Variants in DOCK10 observed in about 807,000 individuals in gnomAD.
DOCK10 encodes dedicator of cytokinesis protein 10.
DOCK10 carries 145 observed loss-of-function variants against 280.1 expected under a neutral mutation model. That is an observed-to-expected ratio of 0.52 (90% confidence interval 0.45 to 0.59). The LOEUF is 0.59. Among genes scored for constraint, DOCK10 ranks in the 20% least tolerant of loss-of-function variants. The pLI is 0.00. For missense variants in DOCK10, 2,368 were observed against 2,651.7 expected, an observed-to-expected ratio of 0.89 and a Z score of 2.35; for synonymous variants, 915 against 942.2, an observed-to-expected ratio of 0.97 and a Z score of 0.53.
At position 224,797,981 on chromosome 2, in the gene DOCK10, A is replaced by G; in HGVS notation, c.4507-12T>C. On this transcript the variant is annotated splice_polypyrimidine_tract_variant and intron_variant, in intron 41 of 55. Transcript: ENST00000258390. ...TGTTGGAGTTGTCTCTGGAAATTCAATGCAGATGTTATTCAGGATAAGTGA... is the reference window on the plus strand; with the variant it reads ...TGTTGGAGTTGTCTCTGGAAATTCAGTGCAGATGTTATTCAGGATAAGTGA... The G allele has an allele frequency of 6.2e-7, 1 of 1,611,614 alleles. No individual in the cohort carries two copies. Among genetic ancestry groups the G allele is most frequent in the Non-Finnish European group, 8.5e-7 (1 of 1,179,034 alleles).
chr2:224,886,157 C>T lies in DOCK10; in HGVS notation c.518G>A (p.Gly173Glu), dbSNP rs201155796. ...EDTTSHSSSK[G>E]GGGAGGTGVF... ...ACCAGTTCCTCCCGCTCCTCCACCC[C>T]CCTTGGAAGACGAGTGGGAAGTGGT... The change falls in exon 6 of 56, where the codon GGG (glycine) becomes GAG (glutamate). Residue 173 changes from glycine (G) to glutamate (E), a missense_variant. By Grantham distance (98) the Gly-to-Glu change is moderately conservative (BLOSUM62 -2). This residue lies in a region of DOCK10 where 1,209 missense variants were observed against 1,250.9 expected (regional missense o/e 0.97). Coordinates refer to ENST00000258390, the MANE Select transcript of DOCK10 (RefSeq NM_014689.3). 58 of 1,613,848 alleles carry T rather than the reference C, an allele frequency of 3.6e-5. No homozygotes were observed. The Middle Eastern group carries it at 1.2e-3, about 32-fold the overall frequency.
intron 1 of DOCK10, among the ~76,000 whole-genome samples, chr2:224,995,591 A>G (rs1164850446): frequency 6.6e-6 from 1 of 152,168 alleles, no homozygotes; most frequent in African/African-American, 2.4e-5. Flanking sequence ...GTCCACAGGG[A>G]CTTGCTTCCA....
chr2:224,962,744 C>A (rs1260881301), intron 1 of DOCK10, among the ~76,000 whole-genome samples: 1 of 152,142 alleles, frequency 6.6e-6, no homozygotes, highest in Non-Finnish European at 1.5e-5. Flanking sequence ...ACATTAACAG[C>A]AAAATCATTT....
intron 1 of DOCK10, among the ~76,000 whole-genome samples, chr2:225,032,200 C>T (rs755814350): frequency 4.6e-5 from 7 of 152,132 alleles, no homozygotes; most frequent in African/African-American, 2.4e-5. Flanking sequence ...GTGTCCAACT[C>T]TCTTGTTTTA....
chr2:224,879,780 A>G (rs986901727), intron 7 of DOCK10, among the ~76,000 whole-genome samples: 5 of 152,148 alleles, frequency 3.3e-5, no homozygotes, highest in Non-Finnish European at 4.4e-5. Context: ...AAAAATTAAA[A>G]AAGAAAGAAA....
intron 1 of DOCK10, chr2:224,946,779 C>A: frequency 2.4e-6 from 3 of 1,249,410 alleles, no homozygotes; most frequent in Non-Finnish European, 3.3e-6. Context: ...CACTGTAGAG[C>A]TAATCATTTT....
intron 3 of DOCK10, among the ~76,000 whole-genome samples, chr2:224,900,561 T>C (rs1053385828): frequency 3.5e-4 from 54 of 152,242 alleles, no homozygotes; most frequent in African/African-American, 1.3e-3. Flanking sequence ...ATTTGGACCA[T>C]CATTCTGGAT....
intron 19 of DOCK10, among the ~76,000 whole-genome samples, chr2:224,847,375 A>G (rs1696434320): frequency 6.6e-6 from 1 of 152,106 alleles, no homozygotes; most frequent in Non-Finnish European, 1.5e-5. Context: ...CAGGACAAGA[A>G]CCCACATCTT....
intron 2 of DOCK10, among the ~76,000 whole-genome samples, chr2:224,929,911 C>T (rs1702238722): frequency 6.6e-6 from 1 of 152,046 alleles, no homozygotes; most frequent in Non-Finnish European, 1.5e-5. Flanking sequence ...CATAAAGAGG[C>T]TGTTCAAGGC....
At chr2:224,788,775 G>A (rs1194790303) in intron 48 of DOCK10, among the ~76,000 whole-genome samples, 4 of 152,024 alleles carry the variant, frequency 2.6e-5, no homozygotes, top group South Asian at 4.1e-4. Context: ...TGATCAGTTC[G>A]CAAAATTTAG....
intron 2 of DOCK10, among the ~76,000 whole-genome samples, chr2:224,922,162 T>C (rs1701798379): frequency 6.7e-6 from 1 of 150,138 alleles, no homozygotes; most frequent in African/African-American, 2.4e-5. Context: ...ACTCCACAAG[T>C]TTCCACTTTA....
At chr2:224,794,648 A>G (rs1195478541) in intron 45 of DOCK10, among the ~76,000 whole-genome samples, 2 of 152,160 alleles carry the variant, frequency 1.3e-5, no homozygotes, top group African/African-American at 4.8e-5. Context: ...TACAATTTCT[A>G]CACCTGCAGT....
chr2:225,015,884 G>A (rs1229144710), intron 1 of DOCK10, among the ~76,000 whole-genome samples: 1 of 152,052 alleles, frequency 6.6e-6, no homozygotes, highest in Non-Finnish European at 1.5e-5. Flanking sequence ...AAAGTTAGAG[G>A]GGGAATGTCA....
intron 4 of DOCK10, among the ~76,000 whole-genome samples, chr2:224,889,706 T>G (rs892033593): frequency 2.0e-5 from 3 of 152,214 alleles, no homozygotes; most frequent in African/African-American, 4.8e-5. Flanking sequence ...CAGAGTTCTT[T>G]TAGGATCACT....
At chr2:225,005,590 G>A (rs1269994793) in intron 1 of DOCK10, among the ~76,000 whole-genome samples, 1 of 152,134 alleles carries the variant, frequency 6.6e-6, no homozygotes, top group Non-Finnish European at 1.5e-5. Flanking sequence ...CAGGACAACA[G>A]TATCACTTGT....
chr2:224,998,585 A>G (rs528271714), intron 1 of DOCK10, among the ~76,000 whole-genome samples: 40 of 152,260 alleles, frequency 2.6e-4, no homozygotes, highest in South Asian at 1.4e-3. Flanking sequence ...CTTCTGCTAT[A>G]TATAAAATAA....
chr2:225,028,104 T>C (rs757624516), intron 1 of DOCK10, among the ~76,000 whole-genome samples: 61 of 152,224 alleles, frequency 4.0e-4, no homozygotes, highest in South Asian at 1.0e-3. Flanking sequence ...TATACTCATT[T>C]CCATGGAAAA....
At chr2:224,898,564 G>A (rs1700115637) in intron 3 of DOCK10, among the ~76,000 whole-genome samples, 1 of 152,184 alleles carries the variant, frequency 6.6e-6, no homozygotes, top group African/African-American at 2.4e-5. Context: ...ACGTGTTTCT[G>A]GAAATAAGAG....
At chr2:224,804,723 C>A in intron 38 of DOCK10, 71 bp downstream of exon 38, 1 of 1,007,552 alleles carries the variant, frequency 9.9e-7, no homozygotes, top group Non-Finnish European at 1.4e-6. Context: ...GTAACTCTAA[C>A]CTGACACATT....
Sources: gnomAD v4.1 joint callset for allele counts (sites outside exome capture counted in the v4.1 genomes callset) on GRCh38, gnomAD v4.1.1 for gene constraint, gnomAD v4.1.1 regional missense constraint, MANE v1.5 for transcripts, NCBI Gene and HGNC (gene_info 2026-07-23, HGNC 2026-07-21) for gene names.